SEC14L5: variants seen among roughly 807,000 people sequenced by gnomAD.
SEC14L5 encodes the protein SEC14-like protein 5.
A neutral mutation model predicts 84.6 loss-of-function variants in SEC14L5; 96 were observed. That is an observed-to-expected ratio of 1.13 (90% CI 0.96 to 1.34). The LOEUF (loss-of-function observed/expected upper bound fraction) is 1.34. Ranked by LOEUF, SEC14L5 falls within the 40% of genes most tolerant of loss-of-function variation. SEC14L5 has a pLI of 0.00. For missense variants in SEC14L5, 1,224 were observed against 942.5 expected (o/e 1.30, Z -3.91); for synonymous variants, 546 against 383.4 (o/e 1.42, Z -4.95).
At chr16:4,977,254 C>T (rs1955353847) in intron 2 of SEC14L5, among the ~76,000 whole-genome samples, 2 of 151,832 alleles carry the variant, frequency 1.3e-5, no homozygotes, top group African/African-American at 4.8e-5. Flanking sequence ...CGAGACCAGC[C>T]TGGCCAACAT....
At chr16:5,003,624 G>GGGGGGGGGGGGGCC in intron 11 of SEC14L5, 51 bp downstream of exon 11, 1 of 305,312 alleles carries the variant, frequency 3.3e-6, no homozygotes, top group Non-Finnish European at 6.5e-6. Flanking sequence ...GGTGGGATGG[G>GGGGGGGGGGGGGCC]AGGGGTTCCG....
At chr16:4,997,563 G>C (rs1248681207) in intron 8 of SEC14L5, among the ~76,000 whole-genome samples, 1 of 152,200 alleles carries the variant, frequency 6.6e-6, no homozygotes, top group Non-Finnish European at 1.5e-5. Flanking sequence ...TGGGCTGAGT[G>C]AGCCCACAAT....
At chr16:4,977,442 G>A (rs2908648) in intron 2 of SEC14L5, among the ~76,000 whole-genome samples, 63,864 of 99,984 alleles carry the variant, frequency 0.64, 18,054 homozygotes, top group East Asian at 0.81. Context: ...GTGAGACTCC[G>A]TCTCAAAAAA....
Position 4,958,650 on chromosome 16 carries a change from G to A in SEC14L5, c.-52+205G>A, listed in dbSNP as rs914046247. ...TGCATGTGCGCACGGGTGTGTGTGC[G>A]TGTGTGCACGTCTGTGCACACCAGG... On this transcript the variant is annotated intron_variant, in intron 1 of 15. Coordinates refer to ENST00000251170, the MANE Select transcript of SEC14L5 (RefSeq NM_014692.2). 2.6e-5 allele frequency among the ~76,000 whole-genome samples: 4 copies of A among 152,186 alleles called. No individual in the cohort carries two copies. In the South Asian group the frequency reaches 6.2e-4, roughly 24 times the overall value.
At chr16:5,014,136 GAAAT>G (rs1295925599) in intron 15 of SEC14L5, among the ~76,000 whole-genome samples, 1 of 152,234 alleles carries the variant, frequency 6.6e-6, no homozygotes, top group Admixed American at 6.5e-5. Context: ...CAAGGAGAAT[GAAAT>G]AAAAGGAACA....
intron 2 of SEC14L5, among the ~76,000 whole-genome samples, chr16:4,975,993 G>A (rs375114504): frequency 2.0e-5 from 3 of 152,162 alleles, no homozygotes; most frequent in Non-Finnish European, 4.4e-5. Flanking sequence ...TTTGAATTTG[G>A]ATGAGGAAGA....
intron 14 of SEC14L5, among the ~76,000 whole-genome samples, chr16:5,009,833 G>C (rs567944540): frequency 1.1e-4 from 16 of 152,242 alleles, no homozygotes; most frequent in African/African-American, 3.6e-4. Flanking sequence ...GTTGTGGCTG[G>C]ATCTGGGAGG....
intron 1 of SEC14L5, 139 bp from the exon 2 acceptor site, chr16:4,959,133 TG>T (rs1297628350): frequency 2.0e-5 from 12 of 602,666 alleles, no homozygotes; most frequent in Non-Finnish European, 3.0e-5. Flanking sequence ...TGGAGTAATT[TG>T]GGGGGAATAT....
chr16:5,017,523 C>T lies in SEC14L5; in HGVS notation c.*2553C>T, dbSNP rs1488779908. The T allele has an allele frequency of 6.6e-6, 1 of 152,240 alleles. No individual in the cohort carries two copies. The highest frequency in any genetic ancestry group is 2.4e-5 in the African/African-American group (1 of 41,446). The allele number at this position is 152,240 out of a possible 1,614,324, so 9.4% of individuals were successfully genotyped here. The stretch of plus-strand genomic sequence containing the variant: ...CCCAAGCCTATAATTTCAGGATTCA[C>T]ACTCTAAGAGATGCTTTTCCATCTC... On this transcript the variant is annotated 3_prime_UTR_variant, in exon 16 of 16. Transcript: ENST00000251170.
At chr16:4,994,791 C>T (rs1374726213) in intron 6 of SEC14L5, among the ~76,000 whole-genome samples, 1 of 152,062 alleles carries the variant, frequency 6.6e-6, no homozygotes. Context: ...CCTTCCTTCT[C>T]CATCTGTGCT....
chr16:4,997,491 A>G (rs1314803429), intron 8 of SEC14L5, among the ~76,000 whole-genome samples: 1 of 152,078 alleles, frequency 6.6e-6, no homozygotes, highest in East Asian at 1.9e-4. Context: ...TGAAGTGACA[A>G]CCTAGCTAGG....
At chr16:4,965,207 CTAAA>C (rs1195864099) in intron 2 of SEC14L5, among the ~76,000 whole-genome samples, 9 of 152,208 alleles carry the variant, frequency 5.9e-5, no homozygotes, top group African/African-American at 2.2e-4. Flanking sequence ...GTTTTTATGG[CTAAA>C]TAAATACTTC....
chr16:5,015,556 A>C lies in SEC14L5; in HGVS notation c.*586A>C, dbSNP rs1431272059. 1 of 153,290 alleles carries C rather than the reference A, an allele frequency of 6.5e-6. No homozygotes were observed. Among genetic ancestry groups the C allele is most frequent in the African/African-American group, 2.4e-5 (1 of 41,464 alleles). The allele number at this position is 153,290 out of a possible 1,614,324, so 9.5% of individuals were successfully genotyped here. A position where few individuals can be genotyped will look rare whatever the true frequency, so the allele number is the denominator to read the frequency against. ...ATCACCGTGATCCAGGGTTGCAGTG[A>C]GGTGCAGTGATTGGCCAGCCTGGAT... On this transcript the variant is annotated 3_prime_UTR_variant, in exon 16 of 16. Coordinates refer to ENST00000251170, the MANE Select transcript of SEC14L5 (RefSeq NM_014692.2).
intron 4 of SEC14L5, among the ~76,000 whole-genome samples, chr16:4,989,014 G>C (rs778030340): frequency 6.6e-6 from 1 of 152,260 alleles, no homozygotes; most frequent in African/African-American, 2.4e-5. Flanking sequence ...TGAAGGATGA[G>C]AGGAGCTGCT....
rs1955881956 is a variant in SEC14L5 at position 5,017,015 on chromosome 16, C to G, written c.*2045C>G. 1 of 152,254 alleles carries G rather than the reference C, an allele frequency of 6.6e-6. No homozygotes were observed. Among genetic ancestry groups the G allele is most frequent in the Non-Finnish European group, 1.5e-5 (1 of 68,048 alleles). 9.4% of individuals were successfully genotyped at this position (152,254 alleles called of 1,614,324 possible). On this transcript the variant is annotated 3_prime_UTR_variant, in exon 16 of 16. Transcript: ENST00000251170. ...TGAGAGCAACTTGCAATATTTTCAA[C>G]TATCTTTAAGTGAATTTCTAGCTTT...
chr16:4,986,342 G>T (rs1386015392), intron 2 of SEC14L5, among the ~76,000 whole-genome samples: 3 of 152,110 alleles, frequency 2.0e-5, no homozygotes, highest in African/African-American at 7.2e-5. Context: ...GTTTCACCAT[G>T]TTGGCCAGGC....
chr16:4,964,220 A>C (rs1310057616), intron 2 of SEC14L5, among the ~76,000 whole-genome samples: 1 of 152,126 alleles, frequency 6.6e-6, no homozygotes, highest in Non-Finnish European at 1.5e-5. Flanking sequence ...AGGTCGCCTG[A>C]GTCCCGAAGG....
chr16:4,999,463 CA>C (rs1172158817), intron 8 of SEC14L5, among the ~76,000 whole-genome samples: 1 of 151,614 alleles, frequency 6.6e-6, no homozygotes, highest in Non-Finnish European at 1.5e-5. Context: ...ACAAAAAATA[CA>C]AAAAAATTAT....
intron 11 of SEC14L5, among the ~76,000 whole-genome samples, chr16:5,003,811 C>T (rs964882247): frequency 6.6e-6 from 1 of 152,212 alleles, no homozygotes; most frequent in South Asian, 2.1e-4. Flanking sequence ...TCTGTCGCCC[C>T]AAAAAGAACC....
Sources: allele counts gnomAD v4.1 joint callset (sites outside exome capture counted in the v4.1 genomes callset), GRCh38; gene constraint gnomAD v4.1.1; transcripts MANE v1.5; gene names NCBI Gene and HGNC (gene_info 2026-07-23, HGNC 2026-07-21).